Variants in ADAMTS15 observed in about 807,000 individuals in gnomAD.
ADAMTS15 encodes the protein A disintegrin and metalloproteinase with thrombospondin motifs 15.
Under a neutral mutation model 79.1 loss-of-function variants are expected in ADAMTS15, and 35 were observed. The observed-to-expected ratio is 0.44, with a 90% CI of 0.34 to 0.59. ADAMTS15 has a LOEUF of 0.59. ADAMTS15 is among the 20% of genes least tolerant of loss of function. The pLI, the probability that ADAMTS15 is intolerant of heterozygous loss-of-function variation, is 0.02. For missense variants in ADAMTS15, 1,324 were observed against 1,318.7 expected (o/e 1.00, Z -0.06); for synonymous variants, 616 against 567.3 (o/e 1.09, Z -1.22).
At position 130,470,196 on chromosome 11, in the gene ADAMTS15, A is replaced by G. The variant is rs1346151406; in HGVS notation, c.1721-724A>G. Reference sequence around the variant, plus strand: ...TATATATATATGTGTGTATATATATATATATATATATATGTATATATATAT... The same window carrying G: ...TATATATATATGTGTGTATATATATGTATATATATATATGTATATATATAT... On this transcript the variant is annotated intron_variant, in intron 5 of 7. Coordinates refer to ENST00000299164, the MANE Select transcript of ADAMTS15 (RefSeq NM_139055.4). Among the ~76,000 whole-genome samples, 6 of 59,362 alleles carry G rather than the reference A, an allele frequency of 1.0e-4. 1 individual carries two copies. The highest frequency in any genetic ancestry group is 4.7e-4 in the African/African-American group (6 of 12,732). 38.9% of individuals were successfully genotyped at this position (59,362 alleles called of 152,430 possible).
chr11:130,455,446 C>G (rs1207295107), intron 1 of ADAMTS15, among the ~76,000 whole-genome samples: 1 of 152,186 alleles, frequency 6.6e-6, no homozygotes, highest in Non-Finnish European at 1.5e-5. Context: ...AGGCTGGAAC[C>G]TCTTTAGTCT....
In ADAMTS15 at chr11:130,462,570, G is replaced by A. The variant is rs746969151; in HGVS notation, c.1332G>A (p.Leu444=). ...PEDLPGASYT[L]SQQCELAFGV... Reference sequence around the variant, plus strand: ...ATCTGCCGGGCGCCAGCTACACCCTGAGCCAGCAGTGCGAGCTGGCTTTTG... The same window carrying A: ...ATCTGCCGGGCGCCAGCTACACCCTAAGCCAGCAGTGCGAGCTGGCTTTTG... The change falls in exon 4 of 8, where the codon CTG becomes CTA. Residue 444 remains leucine, a synonymous_variant. Coordinates refer to ENST00000299164, the MANE Select transcript of ADAMTS15 (RefSeq NM_139055.4). The surrounding 1 kb of genome is among the most constrained non-coding windows in gnomAD (Gnocchi z 4.3). 13 of 1,613,304 alleles carry A rather than the reference G, an allele frequency of 8.1e-6. No homozygotes were observed. The highest frequency in any genetic ancestry group is 1.1e-5 in the Non-Finnish European group (13 of 1,179,578).
At chr11:130,466,847 C>G (rs1449617966) in intron 4 of ADAMTS15, among the ~76,000 whole-genome samples, 1 of 152,184 alleles carries the variant, frequency 6.6e-6, no homozygotes, top group Non-Finnish European at 1.5e-5. Flanking sequence ...CTTTCTCCCT[C>G]TGCTTGGAAT....
chr11:130,466,329 C>T (rs759973059), intron 4 of ADAMTS15, among the ~76,000 whole-genome samples: 1 of 152,172 alleles, frequency 6.6e-6, no homozygotes, highest in Admixed American at 6.5e-5. Flanking sequence ...GTCCAGGCCT[C>T]GCTCCTGACC....
At chr11:130,459,530 G>C (rs1050807872) in intron 1 of ADAMTS15, among the ~76,000 whole-genome samples, 12 of 152,174 alleles carry the variant, frequency 7.9e-5, no homozygotes, top group Non-Finnish European at 1.0e-4. Flanking sequence ...AAAACTTTCT[G>C]GGAGAGTGGG....
chr11:130,468,963 AAAAG>A, intron 4 of ADAMTS15, among the ~76,000 whole-genome samples: 1 of 150,414 alleles, frequency 6.6e-6, no homozygotes, highest in Non-Finnish European at 1.5e-5. Context: ...AAAAAAAAAA[AAAAG>A]GAAAACACAT....
At chr11:130,450,223 A>T (rs1937935788) in intron 1 of ADAMTS15, 2 of 985,352 alleles carry the variant, frequency 2.0e-6, no homozygotes, top group Non-Finnish European at 2.4e-6. Context: ...GGAACCCAGG[A>T]AGTTGCCGCC....
Position 130,472,401 on chromosome 11 carries a change from G to C in ADAMTS15, c.2079-646G>C, listed in dbSNP as rs1412917373. Among the ~76,000 whole-genome samples the C allele has an allele frequency of 5.9e-5, 9 of 152,238 alleles. No homozygotes were observed. Among genetic ancestry groups the C allele is most frequent in the African/African-American group, 2.2e-4 (9 of 41,464 alleles). ...GGTGGCAAGGCCACGTGGGGAGTGG[G>C]AGGTACATACCCCAGGCTTGCCTCA... On this transcript the variant is annotated intron_variant, in intron 7 of 7. Coordinates refer to ENST00000299164, the MANE Select transcript of ADAMTS15 (RefSeq NM_139055.4). This position sits in a 1 kb window ranked among gnomAD's most constrained non-coding sequence, Gnocchi z 4.7.
Position 130,458,312 on chromosome 11 carries a change from G to A in ADAMTS15, c.958-3177G>A, listed in dbSNP as rs112343246. The stretch of plus-strand genomic sequence containing the variant: ...TGGCCTCAAGTCGTCCTCCCGCCTT[G>A]GCCTCCCGAAGTGCTAGGATTACAG... On this transcript the variant is annotated intron_variant, in intron 1 of 7. Transcript: ENST00000299164. Among the ~76,000 whole-genome samples, 15 of 152,220 alleles carry A rather than the reference G, an allele frequency of 9.9e-5. 2 individuals are homozygous for A. Among genetic ancestry groups the A allele is most frequent in the African/African-American group, 3.6e-4 (15 of 41,562 alleles).
At chr11:130,470,164 A>ACACACATG (rs60813103) in intron 5 of ADAMTS15, among the ~76,000 whole-genome samples, 2 of 58,248 alleles carry the variant, frequency 3.4e-5, no homozygotes, top group African/African-American at 2.1e-4. Context: ...GTATATATAT[A>ACACACATG]TATATATATA....
rs1311471792 is a variant in ADAMTS15 at position 130,462,079 on chromosome 11, C to T, written c.1091-8C>T. The T allele has an allele frequency of 6.3e-7, 1 of 1,587,674 alleles. No individual in the cohort carries two copies. The highest frequency in any genetic ancestry group is 1.1e-5 in the South Asian group (1 of 90,338). ...CTGCCCTCTCAGTCCTCTTGCCTTACCCCACAGGCCACGTGTTCAACATGC... is the reference window on the plus strand; with the variant it reads ...CTGCCCTCTCAGTCCTCTTGCCTTATCCCACAGGCCACGTGTTCAACATGC... On this transcript the variant is annotated splice_region_variant and splice_polypyrimidine_tract_variant and intron_variant, in intron 2 of 7. Transcript: ENST00000299164. The surrounding 1 kb of genome is among the most constrained non-coding windows in gnomAD (Gnocchi z 4.3).
chr11:130,470,172 A>ATGTATG (rs1184278550), intron 5 of ADAMTS15, among the ~76,000 whole-genome samples: 1 of 58,464 alleles, frequency 1.7e-5, no homozygotes, highest in Non-Finnish European at 3.2e-5. Flanking sequence ...ATATATATAT[A>ATGTATG]TATATATATG....
intron 1 of ADAMTS15, among the ~76,000 whole-genome samples, chr11:130,455,293 G>T (rs1254770976): frequency 2.0e-5 from 3 of 152,166 alleles, no homozygotes; most frequent in Admixed American, 1.3e-4. Flanking sequence ...TGGATCCCTT[G>T]CCAAACTCAA....
chr11:130,473,516 C>T lies in ADAMTS15; in HGVS notation c.2548C>T (p.Pro850Ser), dbSNP rs767932371. Residue 850 changes from proline to serine, a missense_variant, in exon 8 of 8, where the codon CCG (proline) becomes TCG (serine). Coordinates refer to ENST00000299164, the MANE Select transcript of ADAMTS15 (RefSeq NM_139055.4). ...PARWVAGSWG[P>S]CSASCGSGLQ... is the part of the protein sequence containing the mutation. ...ACGCTGGGTGGCTGGCAGCTGGGGGCCGTGCTCCGCGAGCTGCGGCAGTGG... is the reference window on the plus strand; with the variant it reads ...ACGCTGGGTGGCTGGCAGCTGGGGGTCGTGCTCCGCGAGCTGCGGCAGTGG... 6.2e-7 allele frequency: 1 copy of T among 1,608,826 alleles called. No homozygotes were observed. Among genetic ancestry groups the T allele is most frequent in the Non-Finnish European group, 8.5e-7 (1 of 1,177,366 alleles).
In ADAMTS15 at chr11:130,474,816, T is replaced by C. The variant is rs11222116; in HGVS notation, c.*995T>C. 0.31 allele frequency: 46,852 copies of C among 151,884 alleles called. 8,965 individuals carry two copies. Among genetic ancestry groups the C allele is most frequent in the East Asian group, 0.51 (2,621 of 5,142 alleles). 9.4% of individuals were successfully genotyped at this position (151,884 alleles called of 1,614,324 possible). A position where few individuals can be genotyped will look rare whatever the true frequency, so the allele number is the denominator to read the frequency against. Reference sequence around the variant, plus strand: ...GTATATGCAGGCTGACATCCGAGGGTCTGTGTCGCCTCAGACAGCCCTGAC... The same window carrying C: ...GTATATGCAGGCTGACATCCGAGGGCCTGTGTCGCCTCAGACAGCCCTGAC... On this transcript the variant is annotated 3_prime_UTR_variant, in exon 8 of 8. Coordinates refer to ENST00000299164, the MANE Select transcript of ADAMTS15 (RefSeq NM_139055.4).
intron 1 of ADAMTS15, among the ~76,000 whole-genome samples, chr11:130,453,031 G>T (rs1408771799): frequency 2.0e-5 from 3 of 152,018 alleles, no homozygotes; most frequent in African/African-American, 7.3e-5. Flanking sequence ...ATTCACCATG[G>T]GATGGGGAGC....
chr11:130,473,553 G>T lies in ADAMTS15; in HGVS notation c.2585G>T (p.Arg862Leu), dbSNP rs1161416766. The T allele has an allele frequency of 1.2e-6, 2 of 1,603,626 alleles. No individual in the cohort carries two copies. The highest frequency in any genetic ancestry group is 1.3e-5 in the African/African-American group (1 of 74,682). The change falls in exon 8 of 8, where the codon CGG (arginine) becomes CTG (leucine). Residue 862 changes from arginine to leucine, a missense_variant. Arg to Leu is a moderately radical substitution (Grantham distance 102, BLOSUM62 -2). Coordinates refer to ENST00000299164, the MANE Select transcript of ADAMTS15 (RefSeq NM_139055.4). ...AGCTGCGGCAGTGGCCTGCAGAAGC[G>T]GGCGGTGGACTGCCGGGGCTCCGCC... ...SASCGSGLQK[R>L]AVDCRGSAGQ...
chr11:130,466,251 G>A (rs777139760), intron 4 of ADAMTS15, among the ~76,000 whole-genome samples: 8 of 152,080 alleles, frequency 5.3e-5, no homozygotes, highest in Non-Finnish European at 1.2e-4. Context: ...CAATCTCTTC[G>A]CTGATTCATC....
intron 4 of ADAMTS15, among the ~76,000 whole-genome samples, chr11:130,464,514 T>C (rs1286775852): frequency 1.3e-5 from 2 of 152,200 alleles, no homozygotes; most frequent in Non-Finnish European, 2.9e-5. Context: ...GATTACTCCC[T>C]CTGGGTTTTG....
Sources: allele counts gnomAD v4.1 joint callset (sites outside exome capture counted in the v4.1 genomes callset), GRCh38; gene constraint gnomAD v4.1.1; non-coding constraint Gnocchi (gnomAD v3.1); transcripts MANE v1.5; gene names NCBI Gene and HGNC (gene_info 2026-07-23, HGNC 2026-07-21).